TSPAN9: variants seen among roughly 807,000 people sequenced by gnomAD.
TSPAN9 encodes the protein tetraspanin-9.
Under a neutral mutation model 31.0 loss-of-function variants are expected in TSPAN9, and 16 were observed. The ratio of observed to expected loss-of-function variants is 0.52; its 90% confidence interval spans 0.35 to 0.78. The LOEUF (loss-of-function observed/expected upper bound fraction) is 0.78, where lower values mean the gene tolerates loss of function less well. TSPAN9 is among the 30% of genes least tolerant of loss of function. The pLI, the probability that TSPAN9 is intolerant of heterozygous loss-of-function variation, is 0.01. For missense variants in TSPAN9, 272 were observed against 312.5 expected (o/e 0.87, Z 0.98); for synonymous variants, 145 against 121.6 (o/e 1.19, Z -1.27).
At chr12:3,178,882 T>C (rs2098357329) in intron 2 of TSPAN9, among the ~76,000 whole-genome samples, 1 of 152,222 alleles carries the variant, frequency 6.6e-6, no homozygotes, top group Admixed American at 6.5e-5. Context: ...GTGGGGGATC[T>C]GATGGACAAT....
chr12:3,240,172 C>G (rs552632132), intron 3 of TSPAN9, among the ~76,000 whole-genome samples: 7 of 152,266 alleles, frequency 4.6e-5, no homozygotes, highest in African/African-American at 1.7e-4. Flanking sequence ...CCCTGTTTTC[C>G]TCCTCGAGTA....
chr12:3,166,816 A>G (rs953265820), intron 2 of TSPAN9, among the ~76,000 whole-genome samples: 1 of 152,040 alleles, frequency 6.6e-6, no homozygotes, highest in African/African-American at 2.4e-5. Flanking sequence ...TTCTTCTTTG[A>G]GATGGAGTCT....
In TSPAN9 at chr12:3,210,738, CT is replaced by C. The variant is rs376848982; in HGVS notation, c.63+9499del. 9.7e-3 allele frequency among the ~76,000 whole-genome samples: 1,286 copies of C among 132,796 alleles called. 10 individuals carry two copies. Among genetic ancestry groups the C allele is most frequent in the African/African-American group, 0.025 (923 of 36,286 alleles). The allele number at this position is 132,796 out of a possible 152,430, so 87.1% of individuals were successfully genotyped here. A position where few individuals can be genotyped will look rare whatever the true frequency, so the allele number is the denominator to read the frequency against. On this transcript the variant is annotated intron_variant, in intron 3 of 8. Coordinates refer to ENST00000011898, the MANE Select transcript of TSPAN9 (RefSeq NM_006675.5). ...GAAATACATGCTATCTCATGGATGT[CT>C]TTTTTTTTTTTTTTTTCCTTTTGAG... is the stretch of plus-strand genomic sequence containing the variant.
chr12:3,090,808 G>A (rs1196993928), intron 2 of TSPAN9, among the ~76,000 whole-genome samples: 1 of 151,968 alleles, frequency 6.6e-6, no homozygotes, highest in Non-Finnish European at 1.5e-5. Flanking sequence ...GAGATAATGA[G>A]GAATAGACCC....
intron 2 of TSPAN9, among the ~76,000 whole-genome samples, chr12:3,096,434 T>G (rs1168171174): frequency 6.6e-6 from 1 of 152,178 alleles, no homozygotes; most frequent in African/African-American, 2.4e-5. Context: ...GCATTGTCTC[T>G]TTATTCCTTC....
At position 3,286,262 on chromosome 12, in the gene TSPAN9, C is replaced by T; in HGVS notation, c.*3146C>T. On this transcript the variant is annotated 3_prime_UTR_variant, in exon 9 of 9. Transcript: ENST00000011898. The surrounding 1 kb of genome is among the most constrained non-coding windows in gnomAD (Gnocchi z 4.1). ...TCCGGCCAGCCCTTGTGTTCCCGTG[C>T]CCCACACTTTCCTCCTCCCCACTGC... 6.5e-6 allele frequency: 1 copy of T among 152,988 alleles called. No individual in the cohort carries two copies. The highest frequency in any genetic ancestry group is 1.5e-5 in the Non-Finnish European group (1 of 68,224). 9.5% of individuals were successfully genotyped at this position (152,988 alleles called of 1,614,324 possible). A position where few individuals can be genotyped will look rare whatever the true frequency, so the allele number is the denominator to read the frequency against.
chr12:3,238,862 C>T (rs1270501548), intron 3 of TSPAN9, among the ~76,000 whole-genome samples: 1 of 152,182 alleles, frequency 6.6e-6, no homozygotes, highest in Non-Finnish European at 1.5e-5. Context: ...GGTGGTGGGG[C>T]CGCCCTTTGT....
chr12:3,205,359 C>A (rs2098374463), intron 3 of TSPAN9, among the ~76,000 whole-genome samples: 1 of 152,218 alleles, frequency 6.6e-6, no homozygotes. Context: ...TGGCCCCGGG[C>A]AGAGTGCTGA....
chr12:3,091,776 C>T (rs990906283), intron 2 of TSPAN9, among the ~76,000 whole-genome samples: 29 of 152,194 alleles, frequency 1.9e-4, no homozygotes, highest in African/African-American at 6.8e-4. Flanking sequence ...GAAAAAGGTT[C>T]ACTGTGAAAG....
intron 2 of TSPAN9, among the ~76,000 whole-genome samples, chr12:3,156,825 A>C (rs1485719027): frequency 6.6e-6 from 1 of 152,004 alleles, no homozygotes; most frequent in Non-Finnish European, 1.5e-5. Context: ...AGTTGAATGG[A>C]ATCTGGAGAT....
chr12:3,152,583 C>T (rs925714312), intron 2 of TSPAN9, among the ~76,000 whole-genome samples: 5 of 148,498 alleles, frequency 3.4e-5, no homozygotes, highest in African/African-American at 1.2e-4. Flanking sequence ...GAGCCCCGTT[C>T]TTTTCTTTTC....
At chr12:3,130,957 C>T (rs922577805) in intron 2 of TSPAN9, among the ~76,000 whole-genome samples, 6 of 152,284 alleles carry the variant, frequency 3.9e-5, no homozygotes, top group Admixed American at 1.3e-4. Context: ...GTAGCCGCAT[C>T]GGATTTCAAG....
At chr12:3,278,313 C>T (rs1591722191) in intron 3 of TSPAN9, 108 bp from the exon 4 acceptor site, 2 of 1,470,442 alleles carry the variant, frequency 1.4e-6, no homozygotes, top group East Asian at 2.3e-5. Flanking sequence ...CTTGTCGGTT[C>T]TCACTTTGTC....
In TSPAN9 at chr12:3,281,340, G is replaced by A; in HGVS notation, c.564+11G>A. On this transcript the variant is annotated intron_variant, in intron 7 of 8. Transcript: ENST00000011898. ...CCTTTGTGGAGAACGGTGAGGCTGG[G>A]GATGGACCGCTTGGGTCCAAGAGCC... is the stretch of plus-strand genomic sequence containing the variant. 6.5e-7 allele frequency: 1 copy of A among 1,546,440 alleles called. No individual in the cohort carries two copies. Among genetic ancestry groups the A allele is most frequent in the South Asian group, 1.2e-5 (1 of 83,698 alleles).
chr12:3,188,366 G>A (rs2098362530), intron 2 of TSPAN9, among the ~76,000 whole-genome samples: 1 of 152,234 alleles, frequency 6.6e-6, no homozygotes, highest in African/African-American at 2.4e-5. Flanking sequence ...TGTGCTTGCT[G>A]TGTGTTCATC....
At chr12:3,258,906 G>A (rs1420649921) in intron 3 of TSPAN9, among the ~76,000 whole-genome samples, 2 of 152,208 alleles carry the variant, frequency 1.3e-5, no homozygotes, top group Non-Finnish European at 2.9e-5. Flanking sequence ...TTGTCCTTAA[G>A]GTGGGATCCT....
At chr12:3,249,290 T>C (rs1450130128) in intron 3 of TSPAN9, among the ~76,000 whole-genome samples, 2 of 152,154 alleles carry the variant, frequency 1.3e-5, no homozygotes, top group Non-Finnish European at 2.9e-5. Flanking sequence ...TTCCAACCAG[T>C]CACACATGGA....
At chr12:3,184,964 T>C (rs2098360389) in intron 2 of TSPAN9, among the ~76,000 whole-genome samples, 1 of 152,166 alleles carries the variant, frequency 6.6e-6, no homozygotes, top group South Asian at 2.1e-4. Context: ...CATCCTTGCT[T>C]TGTTACTAAA....
chr12:3,254,829 T>C (rs1862315472), intron 3 of TSPAN9, among the ~76,000 whole-genome samples: 1 of 152,234 alleles, frequency 6.6e-6, no homozygotes, highest in Non-Finnish European at 1.5e-5. Context: ...TAATGATCCA[T>C]GAATGATGTC....
Sources: allele counts gnomAD v4.1 joint callset (sites outside exome capture counted in the v4.1 genomes callset), GRCh38; gene constraint gnomAD v4.1.1; non-coding constraint Gnocchi (gnomAD v3.1); transcripts MANE v1.5; gene names NCBI Gene and HGNC (gene_info 2026-07-23, HGNC 2026-07-21).